MX1: variants seen among roughly 807,000 people sequenced by gnomAD.
MX1 encodes the protein MX dynamin like GTPase 1, also known as interferon-induced GTP-binding protein Mx1.
In MX1, 66 loss-of-function variants were observed where a neutral mutation model predicts 66.4. The ratio of observed to expected loss-of-function variants is 0.99; its 90% CI spans 0.82 to 1.22. MX1 has a LOEUF of 1.22. Among genes scored for constraint, MX1 ranks in the 50% most tolerant of loss-of-function variants. MX1 has a pLI of 0.00. For missense variants in MX1, 787 were observed against 834.3 expected, an observed-to-expected ratio of 0.94 and a Z score of 0.70; for synonymous variants, 311 against 318.1, an observed-to-expected ratio of 0.98 and a Z score of 0.24.
rs371906475 is a variant in MX1 at position 41,443,768 on chromosome 21, G to A, written c.930-20G>A. On this transcript the variant is annotated intron_variant, in intron 10 of 16. Coordinates refer to ENST00000398598, the MANE Select transcript of MX1 (RefSeq NM_002462.5). ...TTCTGGCTACATCAAGGTGGAAATC[G>A]GTCCTGTGTTCTCTTCTAGGGATCT... 210 of 1,613,134 alleles carry A rather than the reference G, an allele frequency of 1.3e-4. No homozygotes were observed. Among genetic ancestry groups the A allele is most frequent in the Non-Finnish European group, 1.6e-4 (194 of 1,179,220 alleles).
At chr21:41,448,954 G>GCC (rs1418332054) in intron 13 of MX1, among the ~76,000 whole-genome samples, 183 bp from the exon 14 acceptor site, 1 of 71,896 alleles carries the variant, frequency 1.4e-5, no homozygotes, top group African/African-American at 9.8e-5. Context: ...GTGTGTGTGT[G>GCC]TGTGTGTGTG....
At chr21:41,451,397 C>T (rs2090821076) in intron 15 of MX1, among the ~76,000 whole-genome samples, 154 bp downstream of exon 15, 1 of 152,118 alleles carries the variant, frequency 6.6e-6, no homozygotes, top group Non-Finnish European at 1.5e-5. Flanking sequence ...TCTGATGTTA[C>T]CGGTGATGTC....
intron 10 of MX1, among the ~76,000 whole-genome samples, chr21:41,443,273 T>G (rs1426992219): frequency 6.6e-6 from 1 of 152,166 alleles, no homozygotes; most frequent in Non-Finnish European, 1.5e-5. Flanking sequence ...TGAGCACAAA[T>G]TTGGATCGAG....
chr21:41,432,536 A>G (rs1026364865), intron 5 of MX1, among the ~76,000 whole-genome samples: 5 of 152,184 alleles, frequency 3.3e-5, no homozygotes, highest in African/African-American at 7.2e-5. Context: ...CATCATTAAG[A>G]TATTATCTTT....
In MX1 at chr21:41,441,726, G is replaced by A. The variant is rs754633419; in HGVS notation, c.741G>A (p.Thr247=). The A allele has an allele frequency of 9.3e-6, 15 of 1,614,060 alleles. No homozygotes were observed. The South Asian group carries it at 1.1e-4, about 12-fold the overall frequency. ...ACATCTGGCTCGCAGGAATCTTGAC[G>A]AAGCCTGATCTGGTGGACAAAGGAA... ...PEGDRTIGIL[T]KPDLVDKGTE... Residue 247 remains threonine, a synonymous_variant, in exon 10 of 17, where the codon ACG becomes ACA. Coordinates refer to ENST00000398598, the MANE Select transcript of MX1 (RefSeq NM_002462.5). This position sits in a 1 kb window ranked among gnomAD's most constrained non-coding sequence, Gnocchi z 4.0.
intron 7 of MX1, among the ~76,000 whole-genome samples, chr21:41,438,869 A>G (rs2090432068): frequency 6.6e-6 from 1 of 152,154 alleles, no homozygotes; most frequent in African/African-American, 2.4e-5. Context: ...CCATTTCTTC[A>G]TTGGGTGTGG....
chr21:41,435,146 G>T (rs2090324511), intron 5 of MX1, among the ~76,000 whole-genome samples: 1 of 152,126 alleles, frequency 6.6e-6, no homozygotes, highest in Non-Finnish European at 1.5e-5. Context: ...TCTCATTTGT[G>T]TCCCTCTGCT....
intron 15 of MX1, among the ~76,000 whole-genome samples, chr21:41,452,159 G>A (rs1160551053): frequency 6.6e-6 from 1 of 152,196 alleles, no homozygotes; most frequent in African/African-American, 2.4e-5. Flanking sequence ...AAGGCCTGGA[G>A]GGTCCAGGGG....
At chr21:41,443,392 C>T (rs1359307212) in intron 10 of MX1, 3 of 158,916 alleles carry the variant, frequency 1.9e-5, no homozygotes, top group African/African-American at 7.2e-5. Context: ...CCATTTATCT[C>T]AATATGCTTC....
Position 41,451,263 on chromosome 21 carries a change from G to A in MX1, c.1509+20G>A. 7.0e-7 allele frequency: 1 copy of A among 1,436,170 alleles called. No homozygotes were observed. Among genetic ancestry groups the A allele is most frequent in the Non-Finnish European group, 9.6e-7 (1 of 1,040,968 alleles). 89.0% of individuals were successfully genotyped at this position (1,436,170 alleles called of 1,614,324 possible). A position where few individuals can be genotyped will look rare whatever the true frequency, so the allele number is the denominator to read the frequency against. On this transcript the variant is annotated intron_variant, in intron 15 of 16. Coordinates refer to ENST00000398598, the MANE Select transcript of MX1 (RefSeq NM_002462.5). ...GCCAAGGTAAAACCAACCATGTGTT[G>A]TTTAAAAAAAAAAAAGAAAAGAAAT... is the stretch of plus-strand genomic sequence containing the variant.
chr21:41,438,645 A>G lies in MX1; in HGVS notation c.437-1049A>G, dbSNP rs572992091. On this transcript the variant is annotated intron_variant, in intron 7 of 16. Transcript: ENST00000398598. The stretch of plus-strand genomic sequence containing the variant: ...GGCCAAGCCCAATTTCAAGGGACCG[A>G]TTTTCTCTCTCTCCATGGAAGTGAC... Among the ~76,000 whole-genome samples the G allele has an allele frequency of 4.6e-3, 694 of 152,162 alleles. 4 individuals carry two copies. The highest frequency in any genetic ancestry group is 6.0e-3 in the Non-Finnish European group (410 of 67,998).
intron 5 of MX1, among the ~76,000 whole-genome samples, chr21:41,433,226 C>A (rs1247398047): frequency 6.6e-6 from 1 of 152,260 alleles, no homozygotes; most frequent in East Asian, 1.9e-4. Flanking sequence ...CCTCCTCCCA[C>A]TCTTAGACCT....
Position 41,440,905 on chromosome 21 carries a change from A to T in MX1, c.610A>T (p.Lys204Ter), listed in dbSNP as rs1462959966. ...CTTACAGATCAAGACACTCATCAAGAAGTACATCCAGAGGCAGGAGACAAT... is the reference window on the plus strand; with the variant it reads ...CTTACAGATCAAGACACTCATCAAGTAGTACATCCAGAGGCAGGAGACAAT... ...IGYKIKTLIK[K>*]YIQRQETISL... Residue 204 changes from lysine to a stop codon, truncating the protein, a stop_gained, in exon 9 of 17, where the codon AAG becomes TAG. Coordinates refer to ENST00000398598, the MANE Select transcript of MX1 (RefSeq NM_002462.5). LOFTEE classifies it high-confidence loss of function. The T allele has an allele frequency of 1.2e-6, 2 of 1,614,170 alleles. No individual in the cohort carries two copies. The highest frequency in any genetic ancestry group is 3.3e-5 in the Admixed American group (2 of 60,028).
In MX1 at chr21:41,435,999, C is replaced by T. The variant is rs1311031394; in HGVS notation, c.268C>T (p.Leu90=). The part of the protein sequence containing the change: ...SSGKSSVLEA[L]SGVALPRGSG... ...GGGCAAGAGCTCCGTGTTGGAGGCA[C>T]TGTCAGGAGTTGCCCTTCCCAGAGG... is the stretch of plus-strand genomic sequence containing the variant. Residue 90 remains leucine (L), a synonymous_variant, in exon 6 of 17, where the codon CTG becomes TTG. Coordinates refer to ENST00000398598, the MANE Select transcript of MX1 (RefSeq NM_002462.5). 1.7e-5 allele frequency: 27 copies of T among 1,614,238 alleles called. No individual in the cohort carries two copies. Among genetic ancestry groups the T allele is most frequent in the Non-Finnish European group, 2.3e-5 (27 of 1,180,044 alleles).
At chr21:41,436,984 GT>G (rs775912670) in intron 6 of MX1, 30 bp from the exon 7 acceptor site, 5 of 1,612,584 alleles carry the variant, frequency 3.1e-6, no homozygotes, top group Non-Finnish European at 4.2e-6. Context: ...TAAGAGCAAA[GT>G]GGAGCACTGA....
At chr21:41,426,692 A>G (rs527981975) in intron 1 of MX1, 2 of 152,326 alleles carry the variant, frequency 1.3e-5, no homozygotes, top group East Asian at 1.9e-4. Flanking sequence ...GTCGACTTCT[A>G]TTTCCTGGGA....
intron 7 of MX1, among the ~76,000 whole-genome samples, chr21:41,437,758 G>A (rs1227087023): frequency 5.9e-5 from 9 of 152,256 alleles, no homozygotes; most frequent in African/African-American, 2.4e-5. Context: ...CTGGCAGGAA[G>A]AGGAGCCAGA....
chr21:41,441,734 A>C lies in MX1; in HGVS notation c.749A>C (p.Asp250Ala). The change falls in exon 10 of 17, where the codon GAT becomes GCT. Residue 250 changes from aspartate (D) to alanine (A), a missense_variant. Coordinates refer to ENST00000398598, the MANE Select transcript of MX1 (RefSeq NM_002462.5). This position sits in a 1 kb window ranked among gnomAD's most constrained non-coding sequence, Gnocchi z 4.0. Reference protein sequence around the residue: ...DRTIGILTKPDLVDKGTEDKV... With the variant: ...DRTIGILTKPALVDKGTEDKV... The stretch of plus-strand genomic sequence containing the variant: ...CTCGCAGGAATCTTGACGAAGCCTG[A>C]TCTGGTGGACAAAGGAACTGAAGAC... The C allele has an allele frequency of 6.2e-7, 1 of 1,614,174 alleles. No homozygotes were observed. The highest frequency in any genetic ancestry group is 8.5e-7 in the Non-Finnish European group (1 of 1,180,030).
chr21:41,448,895 G>C (rs2090740272), intron 13 of MX1, among the ~76,000 whole-genome samples: 1 of 150,308 alleles, frequency 6.7e-6, no homozygotes, highest in African/African-American at 2.5e-5. Flanking sequence ...TCCCCTTCCT[G>C]AGATGACTAA....
Sources: allele counts gnomAD v4.1 joint callset (sites outside exome capture counted in the v4.1 genomes callset), GRCh38; gene constraint gnomAD v4.1.1; non-coding constraint Gnocchi (gnomAD v3.1); transcripts MANE v1.5; gene names NCBI Gene and HGNC (gene_info 2026-07-23, HGNC 2026-07-21).